The following ANXA8 variants were observed in gnomAD, a reference collection of about 807,000 sequenced individuals.
The protein encoded by ANXA8 is VAC-beta.
ANXA8 carries 9 observed loss-of-function variants against 26.8 expected under a neutral mutation model. The observed-to-expected ratio is 0.34, with a 90% CI of 0.20 to 0.59. The LOEUF (loss-of-function observed/expected upper bound fraction) is 0.59. Ranked by LOEUF, ANXA8 falls within the 20% of genes least tolerant of loss-of-function variation. The pLI is 0.84. For synonymous variants in ANXA8, 39 were observed against 94.8 expected (o/e 0.41, Z 3.42); for missense variants, 83 against 238.5 (o/e 0.35, Z 4.29).
chr10:47,658,313 G>A, the ANXA8 span, among the ~76,000 whole-genome samples: 1 of 151,298 alleles, frequency 6.6e-6, no homozygotes, highest in Non-Finnish European at 1.5e-5. Context: ...TTGAACCCGG[G>A]AGACGGAGGT....
the ANXA8 span, among the ~76,000 whole-genome samples, chr10:47,674,108 C>T: frequency 6.1e-3 from 921 of 151,058 alleles, 1 homozygote; most frequent in African/African-American, 0.021. Context: ...ATTTTTGGGA[C>T]GAAGAACATG....
chr10:47,881,863 G>A, the ANXA8 span, among the ~76,000 whole-genome samples: 2 of 151,746 alleles, frequency 1.3e-5, no homozygotes, highest in Admixed American at 6.6e-5. Context: ...TTGTGTCTAT[G>A]TGTGTGTTTG....
upstream of ANXA8, among the ~76,000 whole-genome samples, chr10:47,485,605 AG>A (rs1395190052): frequency 6.6e-6 from 1 of 151,994 alleles, no homozygotes; most frequent in African/African-American, 2.4e-5. Context: ...ATTTCTGCTA[AG>A]AACAAATAGC....
chr10:47,674,718 T>C, the ANXA8 span, among the ~76,000 whole-genome samples: 4 of 151,804 alleles, frequency 2.6e-5, no homozygotes. Flanking sequence ...CTTCCTCATT[T>C]ATTTATCCAT....
chr10:47,630,288 T>C, the ANXA8 span, among the ~76,000 whole-genome samples: 1 of 148,562 alleles, frequency 6.7e-6, no homozygotes, highest in Non-Finnish European at 1.5e-5. Flanking sequence ...TGTGTAAATG[T>C]CTTAATTGTT....
chr10:47,528,196 C>T, the ANXA8 span, among the ~76,000 whole-genome samples: 1 of 140,184 alleles, frequency 7.1e-6, no homozygotes, highest in South Asian at 2.3e-4. Flanking sequence ...TCTCCTGCCT[C>T]AGCCTCCTGA....
the ANXA8 span, chr10:47,543,685 T>C: frequency 3.8e-6 from 3 of 779,776 alleles, no homozygotes; most frequent in East Asian, 4.6e-5. Context: ...AACTCAATCA[T>C]ACAGCAGAAA....
At chr10:47,489,896 G>A in the ANXA8 span, among the ~76,000 whole-genome samples, 1 of 149,720 alleles carries the variant, frequency 6.7e-6, no homozygotes, top group Non-Finnish European at 1.5e-5. Context: ...ACTGACTCAT[G>A]AGAAGGACCT....
the ANXA8 span, among the ~76,000 whole-genome samples, chr10:47,563,991 T>C: frequency 6.9e-6 from 1 of 144,588 alleles, no homozygotes; most frequent in African/African-American, 2.6e-5. Context: ...CTATTATCTT[T>C]TTAAAGTGGT....
Position 47,474,950 on chromosome 10 carries a change from C to G in ANXA8, c.547G>C (p.Ala183Pro). The G allele has an allele frequency of 6.5e-7, 1 of 1,532,844 alleles. No homozygotes were observed. Among genetic ancestry groups the G allele is most frequent in the Non-Finnish European group, 8.8e-7 (1 of 1,133,098 alleles). 95.0% of individuals were successfully genotyped at this position (1,532,844 alleles called of 1,614,324 possible). Residue 183 changes from alanine to proline, a missense_variant, in exon 7 of 12, where the codon GCA (alanine) becomes CCA (proline). Ala to Pro is a conservative substitution (Grantham distance 27). This residue lies in a region of ANXA8 where 24 missense variants were observed against 30.6 expected (regional missense o/e 0.78). Coordinates refer to ENST00000585281, the MANE Select transcript of ANXA8 (RefSeq NM_001040084.3). ...FVDPGLALQD[A>P]QDLYAAGEKI... Reference sequence around the variant, plus strand: ...CCGGCTGGGCGCAGCCTCACCTGTGCGTCTTGGAGGGCCAGTCCTGGGTCC... The same window carrying G: ...CCGGCTGGGCGCAGCCTCACCTGTGGGTCTTGGAGGGCCAGTCCTGGGTCC...
At chr10:47,673,316 G>GA in the ANXA8 span, among the ~76,000 whole-genome samples, 3 of 151,604 alleles carry the variant, frequency 2.0e-5, no homozygotes, top group Non-Finnish European at 4.4e-5. Flanking sequence ...GGATTGCTGA[G>GA]AAAAATCCAG....
the ANXA8 span, among the ~76,000 whole-genome samples, chr10:47,772,202 T>G: frequency 2.0e-5 from 3 of 151,638 alleles, no homozygotes. Context: ...ACATTTGTGG[T>G]TGGGTAGCCT....
At chr10:47,744,498 G>A in the ANXA8 span, among the ~76,000 whole-genome samples, 1 of 149,028 alleles carries the variant, frequency 6.7e-6, no homozygotes, top group African/African-American at 2.5e-5. Flanking sequence ...CAGCGGTAAG[G>A]GCTAGCTCCT....
the ANXA8 span, among the ~76,000 whole-genome samples, chr10:47,681,005 G>A: frequency 1.3e-5 from 2 of 150,466 alleles, no homozygotes; most frequent in African/African-American, 4.9e-5. Context: ...AAGAACTTAT[G>A]TTCTGCTGTT....
At chr10:47,490,630 G>C in the ANXA8 span, among the ~76,000 whole-genome samples, 2 of 143,524 alleles carry the variant, frequency 1.4e-5, no homozygotes, top group Admixed American at 6.9e-5. Context: ...CCCTGCCTCA[G>C]CTTTTCTCCC....
the ANXA8 span, among the ~76,000 whole-genome samples, chr10:47,989,533 C>T: frequency 9.1e-6 from 1 of 109,576 alleles, no homozygotes; most frequent in African/African-American, 3.1e-5. Flanking sequence ...GGAATCGGAG[C>T]CCTGGCTATC....
At chr10:47,693,801 T>A in the ANXA8 span, among the ~76,000 whole-genome samples, 1 of 150,074 alleles carries the variant, frequency 6.7e-6, no homozygotes, top group Admixed American at 6.6e-5. Context: ...GCCCACAGCA[T>A]GAGAACAGGC....
chr10:47,697,063 A>C, the ANXA8 span, among the ~76,000 whole-genome samples: 1 of 151,808 alleles, frequency 6.6e-6, no homozygotes, highest in Non-Finnish European at 1.5e-5. Context: ...CTGTTTAATG[A>C]GGAAACTAGC....
At chr10:47,658,883 TTTATTTG>T in the ANXA8 span, among the ~76,000 whole-genome samples, 1 of 146,966 alleles carries the variant, frequency 6.8e-6, no homozygotes, top group African/African-American at 2.7e-5. Flanking sequence ...TATTTATTTA[TTTATTTG>T]AGACAGAGTC....
Sources: gnomAD v4.1 joint callset for allele counts (sites outside exome capture counted in the v4.1 genomes callset) on GRCh38, gnomAD v4.1.1 for gene constraint, gnomAD v4.1.1 regional missense constraint, MANE v1.5 for transcripts, NCBI Gene and HGNC (gene_info 2026-07-23, HGNC 2026-07-21) for gene names.